The following SKI variants were observed in gnomAD, a reference collection of about 807,000 sequenced individuals.
The protein encoded by SKI is ski oncogene.
Under a neutral mutation model 59.3 loss-of-function variants are expected in SKI, and 23 were observed. The observed-to-expected ratio is 0.39, with a 90% CI of 0.28 to 0.55. SKI has a LOEUF of 0.55. SKI is among the 20% of genes least tolerant of loss of function. The pLI, the probability that SKI is intolerant of heterozygous loss-of-function variation, is 0.67. For synonymous variants in SKI, 673 were observed against 488.6 expected (o/e 1.38, Z -4.98); for missense variants, 1,017 against 1,038.9 (o/e 0.98, Z 0.29).
rs1640699381 is a variant in SKI, at chr1:2,309,707, C to A, written c.*2942C>A. 1.5e-5 allele frequency: 1 copy of A among 67,450 alleles called. No homozygotes were observed. Among genetic ancestry groups the A allele is most frequent in the Non-Finnish European group, 2.9e-5 (1 of 34,116 alleles). The allele number at this position is 67,450 out of a possible 1,614,324, so 4.2% of individuals were successfully genotyped here. A position where few individuals can be genotyped will look rare whatever the true frequency, so the allele number is the denominator to read the frequency against. On this transcript the variant is annotated 3_prime_UTR_variant, in exon 7 of 7. Transcript: ENST00000378536. ...CTCCCTGTGGGTCCGAACCCCGGCC[C>A]CCCCACCCCCTCCTCCCTGTGGGTC...
rs2100788726 is a variant in SKI, at chr1:2,228,357, T to G, written c.-410T>G. Among the ~76,000 whole-genome samples the G allele has an allele frequency of 7.2e-6, 1 of 139,356 alleles. No homozygotes were observed. Among genetic ancestry groups the G allele is most frequent in the East Asian group, 2.3e-4 (1 of 4,388 alleles). The allele number at this position is 139,356 out of a possible 152,430, so 91.4% of individuals were successfully genotyped here. A position where few individuals can be genotyped will look rare whatever the true frequency, so the allele number is the denominator to read the frequency against. ...CCCTCGGCCTCGGCCGCCGCGGCGA[T>G]TCGCGCCTCGCGGCGCCGGCACCTG... On this transcript the variant is annotated 5_prime_UTR_variant, in exon 1 of 7. Coordinates refer to ENST00000378536, the MANE Select transcript of SKI (RefSeq NM_003036.4).
intron 1 of SKI, among the ~76,000 whole-genome samples, chr1:2,241,851 T>C (rs888578966): frequency 2.6e-5 from 4 of 152,242 alleles, no homozygotes; most frequent in Admixed American, 6.5e-5. Flanking sequence ...CACCAGCCCA[T>C]GTTCAGGTCC....
intron 1 of SKI, among the ~76,000 whole-genome samples, chr1:2,300,421 G>A (rs1640396346): frequency 6.6e-6 from 1 of 151,738 alleles, no homozygotes; most frequent in Non-Finnish European, 1.5e-5. Context: ...GAGGCAAGCG[G>A]TCGTAGCTGC....
At chr1:2,256,562 T>A (rs1639279442) in intron 1 of SKI, among the ~76,000 whole-genome samples, 1 of 152,230 alleles carries the variant, frequency 6.6e-6, no homozygotes, top group African/African-American at 2.4e-5. Context: ...CCTGGGTTCA[T>A]CCTTACCTGA....
At chr1:2,252,203 A>G (rs1405229763) in intron 1 of SKI, among the ~76,000 whole-genome samples, 3 of 152,160 alleles carry the variant, frequency 2.0e-5, no homozygotes, top group Non-Finnish European at 4.4e-5. Flanking sequence ...TCCTACCTTA[A>G]GTTTTCAAAA....
chr1:2,298,450 C>G (rs1011805434), intron 1 of SKI, among the ~76,000 whole-genome samples: 1 of 152,212 alleles, frequency 6.6e-6, no homozygotes, highest in Non-Finnish European at 1.5e-5. Context: ...GCTGCCCATG[C>G]TCAGGATGGT....
At chr1:2,287,235 A>C (rs900242574) in intron 1 of SKI, among the ~76,000 whole-genome samples, 1 of 152,082 alleles carries the variant, frequency 6.6e-6, no homozygotes, top group African/African-American at 2.4e-5. Flanking sequence ...TTGTGTGGGA[A>C]GGTGGAGGCG....
chr1:2,260,535 C>CTTTTTT (rs3065260), intron 1 of SKI, among the ~76,000 whole-genome samples: 692 of 67,672 alleles, frequency 0.01, 46 homozygotes, highest in African/African-American at 0.021. Context: ...TGTTCTTTTT[C>CTTTTTT]TTTTTTTTTT....
rs546025947 is a variant in SKI at position 2,273,118 on chromosome 1, C to T, written c.970-29860C>T. Among the ~76,000 whole-genome samples, 28 of 152,354 alleles carry T rather than the reference C, an allele frequency of 1.8e-4. 1 individual carries two copies. The highest frequency in any genetic ancestry group is 2.9e-4 in the Non-Finnish European group (20 of 68,034). On this transcript the variant is annotated intron_variant, in intron 1 of 6. Transcript: ENST00000378536. ...TCCGAGGCCATTTGGCCCTTCATCT[C>T]GGGAACAGACCAAGGGGGTGTTTTC...
intron 1 of SKI, among the ~76,000 whole-genome samples, chr1:2,259,539 T>A (rs1639339695): frequency 6.6e-6 from 1 of 152,222 alleles, no homozygotes; most frequent in African/African-American, 2.4e-5. Context: ...TGTGTAGTTA[T>A]TTTTTAAAAC....
chr1:2,268,117 C>T lies in SKI; in HGVS notation c.970-34861C>T, dbSNP rs888974543. The stretch of plus-strand genomic sequence containing the variant: ...CCCCTGTGGTCAGATGCATGGCGCC[C>T]GCAGCCCTGGCCCAGGTGCCCCCTG... On this transcript the variant is annotated intron_variant, in intron 1 of 6. Coordinates refer to ENST00000378536, the MANE Select transcript of SKI (RefSeq NM_003036.4). The surrounding 1 kb of genome is among the most constrained non-coding windows in gnomAD (Gnocchi z 5.0). 1.9e-4 allele frequency among the ~76,000 whole-genome samples: 29 copies of T among 152,190 alleles called. No homozygotes were observed. The highest frequency in any genetic ancestry group is 3.7e-4 in the Non-Finnish European group (25 of 68,010).
intron 1 of SKI, chr1:2,240,639 T>G (rs994598507): frequency 2.7e-4 from 265 of 985,342 alleles, no homozygotes; most frequent in Non-Finnish European, 2.8e-4. Context: ...CCATACAGCA[T>G]TAACAAGAAA....
chr1:2,267,112 G>A lies in SKI; in HGVS notation c.970-35866G>A, dbSNP rs1016971959. 1.3e-5 allele frequency among the ~76,000 whole-genome samples: 2 copies of A among 152,098 alleles called. No homozygotes were observed. Among genetic ancestry groups the A allele is most frequent in the African/African-American group, 2.4e-5 (1 of 41,396 alleles). The stretch of plus-strand genomic sequence containing the variant: ...TCATCACCGCCTTTTCAGTTTCAGC[G>A]GGAATTGATTATGAACAAAGTGCCA... On this transcript the variant is annotated intron_variant, in intron 1 of 6. Transcript: ENST00000378536. This position sits in a 1 kb window ranked among gnomAD's most constrained non-coding sequence, Gnocchi z 4.1.
At chr1:2,302,828 G>A in intron 1 of SKI, 150 bp from the exon 2 acceptor site, 1 of 1,045,866 alleles carries the variant, frequency 9.6e-7, no homozygotes, top group South Asian at 1.3e-5. Context: ...GTCTCCTGGG[G>A]GGTGCCCTGG....
At chr1:2,276,517 T>A (rs1639747109) in intron 1 of SKI, among the ~76,000 whole-genome samples, 1 of 152,234 alleles carries the variant, frequency 6.6e-6, no homozygotes, top group African/African-American at 2.4e-5. Context: ...TGTCTGTGCC[T>A]CTAGAGGCCC....
chr1:2,284,960 G>A (rs1248694164), intron 1 of SKI, among the ~76,000 whole-genome samples: 1 of 152,240 alleles, frequency 6.6e-6, no homozygotes, highest in East Asian at 1.9e-4. Context: ...GAATTCATAA[G>A]TGGTTTTATT....
At chr1:2,295,556 C>G (rs1640263859) in intron 1 of SKI, among the ~76,000 whole-genome samples, 1 of 152,196 alleles carries the variant, frequency 6.6e-6, no homozygotes, top group African/African-American at 2.4e-5. Context: ...GGCCCCAAAT[C>G]CCAGCCAGCA....
intron 1 of SKI, among the ~76,000 whole-genome samples, chr1:2,284,947 T>C (rs1640004944): frequency 1.3e-5 from 2 of 152,326 alleles, no homozygotes; most frequent in South Asian, 4.1e-4. Context: ...TTTCTGATGA[T>C]CAGAATTCAT....
rs370071620 is a variant in SKI, at chr1:2,304,694, C to T, written c.1767+109C>T. 3.5e-5 allele frequency: 50 copies of T among 1,440,534 alleles called. No individual in the cohort carries two copies. The African/African-American group carries it at 3.7e-4, about 11-fold the overall frequency. The allele number at this position is 1,440,534 out of a possible 1,614,324, so 89.2% of individuals were successfully genotyped here. On this transcript the variant is annotated intron_variant, in intron 5 of 6. Coordinates refer to ENST00000378536, the MANE Select transcript of SKI (RefSeq NM_003036.4). Reference sequence around the variant, plus strand: ...CTCCTCCCTTCCTGGCTGCCCCATGCGCTCCTCTCTGCCTCCACCTCAGTG... The same window carrying T: ...CTCCTCCCTTCCTGGCTGCCCCATGTGCTCCTCTCTGCCTCCACCTCAGTG...
Sources: gnomAD v4.1 joint callset for allele counts (sites outside exome capture counted in the v4.1 genomes callset) on GRCh38, gnomAD v4.1.1 for gene constraint, Gnocchi (gnomAD v3.1) non-coding constraint, MANE v1.5 for transcripts, NCBI Gene and HGNC (gene_info 2026-07-23, HGNC 2026-07-21) for gene names.